Variants in TET3 observed in about 807,000 individuals in gnomAD.
TET3 encodes methylcytosine dioxygenase TET3.
In TET3, 19 loss-of-function variants were observed where a neutral mutation model predicts 141.4. The observed-to-expected ratio is 0.13, with a 90% CI of 0.09 to 0.20. TET3 has a LOEUF of 0.20. Among genes scored for constraint, TET3 ranks in the 10% least tolerant of loss-of-function variants. The pLI, the probability that TET3 is intolerant of heterozygous loss-of-function variation, is 1.00. For missense variants in TET3, 1,874 were observed against 2,356.9 expected (o/e 0.80, Z 4.24); for synonymous variants, 1,043 against 980.9 (o/e 1.06, Z -1.18).
intron 10 of TET3, among the ~76,000 whole-genome samples, chr2:74,097,958 A>G (rs1266381609): frequency 2.6e-5 from 4 of 152,218 alleles, no homozygotes; most frequent in Non-Finnish European, 5.9e-5. Context: ...AATATAGAAA[A>G]TAAGAAAATA....
upstream of TET3, among the ~76,000 whole-genome samples, chr2:73,984,373 G>C (rs959144097): frequency 2.0e-5 from 3 of 152,202 alleles, no homozygotes; most frequent in Admixed American, 6.5e-5. This position sits in a 1 kb window ranked among gnomAD's most constrained non-coding sequence, Gnocchi z 5.6. Context: ...CTTCTTGCCG[G>C]CCAGGCTGAC....
intron 2 of TET3, among the ~76,000 whole-genome samples, chr2:73,999,807 G>A (rs1450499134): frequency 6.6e-6 from 1 of 152,152 alleles, no homozygotes; most frequent in African/African-American, 2.4e-5. Context: ...AGAGCATACC[G>A]GCTGGAGGCA....
chr2:74,056,462 C>T (rs191462685), intron 4 of TET3, among the ~76,000 whole-genome samples: 15 of 152,198 alleles, frequency 9.9e-5, no homozygotes, highest in Non-Finnish European at 1.6e-4. Flanking sequence ...AGCTGTATAA[C>T]GAGCACTTTC....
intron 5 of TET3, among the ~76,000 whole-genome samples, chr2:74,076,441 G>GTTTTTTTTTTTTTTTTTTTTTTTTTTTT (rs70965785): frequency 3.5e-5 from 2 of 56,554 alleles, no homozygotes; most frequent in African/African-American, 6.2e-5. Context: ...ATTCCTCTGG[G>GTTTTTTTTTTTTTTTTTTTTTTTTTTTT]TTTTTTTTTT....
intron 3 of TET3, among the ~76,000 whole-genome samples, chr2:74,033,973 G>A (rs150549754): frequency 0.014 from 2,101 of 152,266 alleles, 51 homozygotes; most frequent in Admixed American, 0.056. Context: ...GTGGGCACCT[G>A]TAATCCTAGC....
intron 3 of TET3, among the ~76,000 whole-genome samples, chr2:74,022,092 C>CA (rs1290680083): frequency 2.0e-4 from 17 of 83,608 alleles, no homozygotes; most frequent in African/African-American, 9.1e-4. Context: ...CTTTCTAGGA[C>CA]ACTTTTTTTT....
chr2:74,077,147 C>G (rs977302311), intron 5 of TET3, among the ~76,000 whole-genome samples: 1 of 152,220 alleles, frequency 6.6e-6, no homozygotes, highest in Admixed American at 6.5e-5. Flanking sequence ...AGCAGGTTCT[C>G]TGAGATTTGG....
chr2:74,007,714 C>T (rs895153879), intron 3 of TET3, among the ~76,000 whole-genome samples: 6 of 152,214 alleles, frequency 3.9e-5, no homozygotes, highest in African/African-American at 1.2e-4. Flanking sequence ...CACTTACTGT[C>T]TTTGGACTTC....
chr2:74,061,741 C>G (rs1171441744), intron 4 of TET3, among the ~76,000 whole-genome samples: 9 of 130,734 alleles, frequency 6.9e-5, no homozygotes, highest in Non-Finnish European at 1.3e-4. Flanking sequence ...ACTTCTCAGA[C>G]GGGGCGGCCG....
intron 3 of TET3, among the ~76,000 whole-genome samples, chr2:74,041,445 A>G (rs889490739): frequency 2.0e-5 from 3 of 152,190 alleles, no homozygotes; most frequent in Admixed American, 1.3e-4. Context: ...TGTCTGGGTC[A>G]CAAGCAGGGC....
the TET3 span, among the ~76,000 whole-genome samples, chr2:74,133,115 T>C: frequency 6.7e-6 from 1 of 150,370 alleles, no homozygotes; most frequent in East Asian, 2.0e-4. Flanking sequence ...GGTTTCACCA[T>C]GTTGGCCAGG....
rs186941919 is a variant in TET3 at position 74,000,546 on chromosome 2, G to A, written c.304-2564G>A. ...TAGCTTGCCAGGTCGGGGGAGGTGC[G>A]GAGGGATCCAGGCAGAAGGAGCAGC... is the stretch of plus-strand genomic sequence containing the variant. On this transcript the variant is annotated intron_variant, in intron 2 of 11. Coordinates refer to ENST00000409262, the MANE Select transcript of TET3 (RefSeq NM_001287491.2). 1.2e-3 allele frequency among the ~76,000 whole-genome samples: 181 copies of A among 152,196 alleles called. 3 individuals are homozygous for A. The highest frequency in any genetic ancestry group is 8.7e-4 in the Non-Finnish European group (59 of 68,012).
At chr2:74,135,023 TG>T in the TET3 span, 1 of 266,010 alleles carries the variant, frequency 3.8e-6, no homozygotes, top group South Asian at 3.9e-5. Context: ...GCTTCTGTCG[TG>T]GGAGGTGGGC....
At chr2:74,040,949 G>A (rs1687305271) in intron 3 of TET3, among the ~76,000 whole-genome samples, 1 of 152,140 alleles carries the variant, frequency 6.6e-6, no homozygotes, top group Admixed American at 6.5e-5. Context: ...AAGGGCATGA[G>A]AATTGAGGGG....
At chr2:74,041,326 T>G (rs1687326795) in intron 3 of TET3, among the ~76,000 whole-genome samples, 1 of 152,212 alleles carries the variant, frequency 6.6e-6, no homozygotes, top group African/African-American at 2.4e-5. Context: ...TTTATCTTGT[T>G]CAGAACCAAA....
intron 3 of TET3, among the ~76,000 whole-genome samples, chr2:74,031,586 G>T (rs1212477899): frequency 6.6e-6 from 1 of 152,136 alleles, no homozygotes; most frequent in Admixed American, 6.5e-5. Context: ...GGATAAAGAG[G>T]ATTAATTTGT....
chr2:74,062,119 A>AG (rs1688627317), intron 4 of TET3, among the ~76,000 whole-genome samples: 1 of 152,228 alleles, frequency 6.6e-6, no homozygotes, highest in South Asian at 2.1e-4. Flanking sequence ...ACTGCACTCC[A>AG]GCCTGGGCAC....
rs1687630888 is a variant in TET3, at chr2:74,046,545, G to A, written c.628G>A (p.Val210Met). The part of the protein sequence containing the change: ...LVAFSAVAEA[V>M]SSYGALSTRL... The stretch of plus-strand genomic sequence containing the variant: ...GGCCTTTTCGGCTGTGGCCGAAGCT[G>A]TGTCCTCTTATGGGGCCCTTAGCAC... The change falls in exon 4 of 12, where the codon GTG becomes ATG. Residue 210 changes from valine (V) to methionine (M), a missense_variant. Val to Met is a conservative substitution (Grantham distance 21). Transcript: ENST00000409262. This position sits in a 1 kb window ranked among gnomAD's most constrained non-coding sequence, Gnocchi z 4.3. 1.9e-6 allele frequency: 3 copies of A among 1,614,030 alleles called. No individual in the cohort carries two copies. The highest frequency in any genetic ancestry group is 2.5e-6 in the Non-Finnish European group (3 of 1,179,896).
At chr2:74,041,627 A>G (rs1687343278) in intron 3 of TET3, among the ~76,000 whole-genome samples, 1 of 152,258 alleles carries the variant, frequency 6.6e-6, no homozygotes, top group Admixed American at 6.5e-5. Flanking sequence ...ACTGTTTTAC[A>G]AAACTTGTAT....
Sources: gnomAD v4.1 joint callset for allele counts (sites outside exome capture counted in the v4.1 genomes callset) on GRCh38, gnomAD v4.1.1 for gene constraint, Gnocchi (gnomAD v3.1) non-coding constraint, MANE v1.5 for transcripts, NCBI Gene and HGNC (gene_info 2026-07-23, HGNC 2026-07-21) for gene names.